The following PSME4 variants were observed in gnomAD, a reference collection of about 807,000 sequenced individuals.
PSME4 encodes the protein proteasome activator complex subunit 4.
PSME4 carries 89 observed loss-of-function variants against 253.9 expected under a neutral mutation model. The ratio of observed to expected loss-of-function variants is 0.35; its 90% CI spans 0.30 to 0.42. The LOEUF (loss-of-function observed/expected upper bound fraction) is 0.42, where lower values mean the gene tolerates loss of function less well. PSME4 is among the 10% of genes least tolerant of loss of function. The pLI is 1.00. For synonymous variants in PSME4, 851 were observed against 759.2 expected (o/e 1.12, Z -1.99); for missense variants, 2,014 against 2,195.2 (o/e 0.92, Z 1.65).
intron 41 of PSME4, among the ~76,000 whole-genome samples, chr2:53,880,289 C>T (rs1007642758): frequency 6.6e-6 from 1 of 152,084 alleles, no homozygotes; most frequent in Non-Finnish European, 1.5e-5. Flanking sequence ...GAGACCCCAT[C>T]TCTACAAAAA....
Position 53,890,164 on chromosome 2 carries a change from T to G in PSME4, c.4236A>C (p.Ala1412=). 6.2e-7 allele frequency: 1 copy of G among 1,613,942 alleles called. No individual in the cohort carries two copies. The highest frequency in any genetic ancestry group is 8.5e-7 in the Non-Finnish European group (1 of 1,179,912). Reference sequence around the variant, plus strand: ...AAGTTTCTACGGTAATATTGGACAGTGCTGTTCTAAGCAGAGGGCACAGAA... The same window carrying G: ...AAGTTTCTACGGTAATATTGGACAGGGCTGTTCTAAGCAGAGGGCACAGAA... ...WELLCPLLRT[A]LSNITVETYN... Residue 1412 remains alanine (A), a synonymous_variant, in exon 37 of 47, where the codon GCA becomes GCC. Transcript: ENST00000404125.
intron 39 of PSME4, 79 bp from the exon 40 acceptor site, chr2:53,887,546 C>A: frequency 6.2e-6 from 8 of 1,281,632 alleles, no homozygotes; most frequent in Non-Finnish European, 8.7e-6. Flanking sequence ...ATGACCCAAT[C>A]AAAGTAAACT....
At chr2:53,897,032 T>C in intron 31 of PSME4, 147 bp from the exon 32 acceptor site, 1 of 640,906 alleles carries the variant, frequency 1.6e-6, no homozygotes, top group Non-Finnish European at 2.8e-6. Context: ...ATGTGAGTGC[T>C]AAATCTGACT....
At chr2:53,884,178 CT>C (rs1394829864) in intron 41 of PSME4, among the ~76,000 whole-genome samples, 4 of 152,086 alleles carry the variant, frequency 2.6e-5, no homozygotes, top group African/African-American at 7.2e-5. Context: ...AGATGTTAGG[CT>C]TGTCAATGGT....
At position 53,899,756 on chromosome 2, in the gene PSME4, T is replaced by G. The variant is rs1680307264; in HGVS notation, c.3422+125A>C. The G allele has an allele frequency of 5.2e-6, 6 of 1,158,250 alleles. No individual in the cohort carries two copies. In the South Asian group the frequency reaches 9.5e-5, roughly 18 times the overall value. 71.7% of individuals were successfully genotyped at this position (1,158,250 alleles called of 1,614,324 possible). A position where few individuals can be genotyped will look rare whatever the true frequency, so the allele number is the denominator to read the frequency against. ...GAGCTTAAACCCAGGAGGTGAAGGT[T>G]GCAGTGAGCCATGATCGTCTCACTG... On this transcript the variant is annotated intron_variant, in intron 29 of 46. Coordinates refer to ENST00000404125, the MANE Select transcript of PSME4 (RefSeq NM_014614.3).
intron 29 of PSME4, among the ~76,000 whole-genome samples, 178 bp downstream of exon 29, chr2:53,899,703 A>G (rs1238718744): frequency 6.6e-6 from 1 of 151,952 alleles, no homozygotes; most frequent in Non-Finnish European, 1.5e-5. Flanking sequence ...CTGTAATCTC[A>G]GCTACTCGGG....
intron 3 of PSME4, among the ~76,000 whole-genome samples, chr2:53,942,941 G>A (rs1669520232): frequency 6.6e-6 from 1 of 152,098 alleles, no homozygotes; most frequent in Non-Finnish European, 1.5e-5. Context: ...TCTGGACCTC[G>A]ATTTCCTTAT....
At chr2:53,958,834 G>C (rs1474263974) in intron 1 of PSME4, among the ~76,000 whole-genome samples, 1 of 136,712 alleles carries the variant, frequency 7.3e-6, no homozygotes, top group Non-Finnish European at 1.6e-5. Flanking sequence ...AAAAAAAAAA[G>C]TCAGGAGCCT....
chr2:53,932,588 G>C, intron 9 of PSME4, 80 bp downstream of exon 9: 2 of 1,167,350 alleles, frequency 1.7e-6, no homozygotes, highest in Non-Finnish European at 2.6e-6. Context: ...ATGTATTACA[G>C]GTCACACAAT....
chr2:53,874,509 T>C lies in PSME4; in HGVS notation c.4945-15A>G. 2 of 1,611,954 alleles carry C rather than the reference T, an allele frequency of 1.2e-6. No homozygotes were observed. The highest frequency in any genetic ancestry group is 2.2e-5 in the South Asian group (2 of 90,626). On this transcript the variant is annotated splice_polypyrimidine_tract_variant and intron_variant, in intron 42 of 46. Coordinates refer to ENST00000404125, the MANE Select transcript of PSME4 (RefSeq NM_014614.3). ...CTTCTTGCTGTCTGTGAATGACAAA[T>C]AAATATAAACGATAAAGCAGTACTG...
chr2:53,864,640 T>C lies in PSME4; in HGVS notation c.*938A>G, dbSNP rs1678483446. The C allele has an allele frequency of 6.6e-6, 1 of 151,200 alleles. No homozygotes were observed. The highest frequency in any genetic ancestry group is 1.5e-5 in the Non-Finnish European group (1 of 68,034). 9.4% of individuals were successfully genotyped at this position (151,200 alleles called of 1,614,324 possible). A position where few individuals can be genotyped will look rare whatever the true frequency, so the allele number is the denominator to read the frequency against. On this transcript the variant is annotated 3_prime_UTR_variant, in exon 47 of 47. Coordinates refer to ENST00000404125, the MANE Select transcript of PSME4 (RefSeq NM_014614.3). ...AATGCTATCTCTACAGTTTATACACTCTTTTACATTTATATAACATATTAA... is the reference window on the plus strand; with the variant it reads ...AATGCTATCTCTACAGTTTATACACCCTTTTACATTTATATAACATATTAA...
At chr2:53,941,342 T>C (rs1669444793) in intron 3 of PSME4, among the ~76,000 whole-genome samples, 1 of 150,440 alleles carries the variant, frequency 6.6e-6, no homozygotes, top group South Asian at 2.1e-4. Flanking sequence ...CAATAAGCAC[T>C]GTCTCTGATC....
chr2:53,936,764 C>T lies in PSME4; in HGVS notation c.759G>A (p.Gly253=), dbSNP rs775258504. ...AAGAAAGGGAAAAAGGGATACTTAC[C>T]CCCTCCCATTGTGGGAGATTTTGCA... The part of the protein sequence containing the change: ...VSVQNLPQWE[G]QLVNLFARLA... Residue 253 remains glycine (G), a splice_region_variant and synonymous_variant, in exon 6 of 47, where the codon GGG becomes GGA. Transcript: ENST00000404125. 7.0e-6 allele frequency: 11 copies of T among 1,575,070 alleles called. No homozygotes were observed. The highest frequency in any genetic ancestry group is 5.5e-5 in the Admixed American group (3 of 54,832).
chr2:53,919,365 A>C (rs1483220816), intron 19 of PSME4, 119 bp from the exon 20 acceptor site: 2 of 1,310,826 alleles, frequency 1.5e-6, no homozygotes, highest in Non-Finnish European at 2.0e-6. Context: ...AGAAATAGCA[A>C]ATGTCTTCAG....
At chr2:53,925,774 C>T in intron 13 of PSME4, 85 bp from the exon 14 acceptor site, 1 of 1,394,208 alleles carries the variant, frequency 7.2e-7, no homozygotes, top group Non-Finnish European at 1.0e-6. Context: ...CTCTATTGTC[C>T]TAATTATTCA....
At chr2:53,874,624 A>G (rs763187957) in intron 42 of PSME4, 130 bp from the exon 43 acceptor site, 41 of 947,748 alleles carry the variant, frequency 4.3e-5, no homozygotes, top group Middle Eastern at 4.4e-4. Context: ...AGTTAGGACA[A>G]GCTCATATTT....
At chr2:53,965,513 G>T (rs997123195) in intron 1 of PSME4, among the ~76,000 whole-genome samples, 1 of 151,772 alleles carries the variant, frequency 6.6e-6, no homozygotes, top group Non-Finnish European at 1.5e-5. Context: ...GCCACACCCA[G>T]CGCATCCAAG....
At chr2:53,892,476 C>A (rs760653204) in intron 36 of PSME4, among the ~76,000 whole-genome samples, 7 of 152,150 alleles carry the variant, frequency 4.6e-5, no homozygotes, top group African/African-American at 7.2e-5. Flanking sequence ...GAGAAGCACA[C>A]GTGCACCATC....
At chr2:53,965,604 G>C (rs1317052772) in intron 1 of PSME4, among the ~76,000 whole-genome samples, 1 of 151,498 alleles carries the variant, frequency 6.6e-6, no homozygotes, top group Non-Finnish European at 1.5e-5. Context: ...TTTTTTTAAT[G>C]AGTGGGGTTT....
Sources: allele counts gnomAD v4.1 joint callset (sites outside exome capture counted in the v4.1 genomes callset), GRCh38; gene constraint gnomAD v4.1.1; transcripts MANE v1.5; gene names NCBI Gene and HGNC (gene_info 2026-07-23, HGNC 2026-07-21).